The following CADM2 variants were observed in gnomAD, a reference collection of about 807,000 sequenced individuals.
CADM2 encodes the protein cell adhesion molecule 2, also known as immunoglobulin superfamily member 4D.
CADM2 carries 12 observed loss-of-function variants against 49.8 expected under a neutral mutation model. The observed-to-expected ratio is 0.24, with a 90% CI of 0.15 to 0.39. The LOEUF is 0.39. CADM2 is among the 10% of genes least tolerant of loss of function. The pLI is 1.00. For synonymous variants in CADM2, 214 were observed against 175.4 expected (o/e 1.22, Z -1.74); for missense variants, 378 against 492.3 (o/e 0.77, Z 2.20).
intron 5 of CADM2, among the ~76,000 whole-genome samples, chr3:85,893,592 A>G (rs1415309728): frequency 1.3e-5 from 2 of 152,224 alleles, no homozygotes; most frequent in Non-Finnish European, 2.9e-5. Flanking sequence ...TCTGCAATCT[A>G]CTCACCTGAC....
At chr3:85,077,603 C>A (rs2036996252) in intron 1 of CADM2, among the ~76,000 whole-genome samples, 1 of 151,892 alleles carries the variant, frequency 6.6e-6, no homozygotes, top group Admixed American at 6.6e-5. Context: ...GTTTTTATTT[C>A]TTTTGAAATG....
intron 8 of CADM2, chr3:86,014,024 A>C: frequency 1.5e-6 from 2 of 1,376,006 alleles, no homozygotes; most frequent in Non-Finnish European, 2.0e-6. Context: ...CTTGATCACA[A>C]CTGCTTTTAG....
chr3:85,936,019 T>C (rs1721152643), intron 7 of CADM2, among the ~76,000 whole-genome samples, 162 bp downstream of exon 7: 1 of 151,924 alleles, frequency 6.6e-6, no homozygotes, highest in Non-Finnish European at 1.5e-5. Context: ...TTAAGGTCTA[T>C]GGAAGATTGG....
At chr3:85,017,960 T>C (rs1221743512) in intron 1 of CADM2, among the ~76,000 whole-genome samples, 2 of 152,222 alleles carry the variant, frequency 1.3e-5, no homozygotes, top group Non-Finnish European at 2.9e-5. Flanking sequence ...GCTTAATCTC[T>C]GGTCAATGAA....
chr3:85,616,055 G>T (rs2063792994), intron 1 of CADM2, among the ~76,000 whole-genome samples: 1 of 151,910 alleles, frequency 6.6e-6, no homozygotes, highest in Non-Finnish European at 1.5e-5. Flanking sequence ...AGAGTTGACT[G>T]TGTAAAATTA....
intron 1 of CADM2, among the ~76,000 whole-genome samples, chr3:85,314,781 G>T (rs1005163797): frequency 7.9e-5 from 12 of 152,280 alleles, no homozygotes; most frequent in Middle Eastern, 3.4e-3. Flanking sequence ...GAGGGAGATT[G>T]TATAGTCAAA....
intron 1 of CADM2, among the ~76,000 whole-genome samples, chr3:85,515,446 T>A (rs1199441716): frequency 6.8e-6 from 1 of 147,972 alleles, no homozygotes; most frequent in African/African-American, 2.5e-5. Flanking sequence ...TATTATTATA[T>A]GGAGTCTGGC....
chr3:85,711,445 A>T (rs774532140), intron 1 of CADM2, among the ~76,000 whole-genome samples: 36 of 152,322 alleles, frequency 2.4e-4, no homozygotes, highest in Non-Finnish European at 1.5e-4. Context: ...AAAAAATAAA[A>T]CATTAAGTTT....
intron 1 of CADM2, among the ~76,000 whole-genome samples, chr3:85,019,070 CA>C (rs1418024379): frequency 5.9e-5 from 9 of 152,138 alleles, no homozygotes; most frequent in Non-Finnish European, 1.2e-4. Flanking sequence ...AACTTAGATA[CA>C]AAGTGCTAGA....
At chr3:85,863,727 GA>G (rs1272467681) in intron 3 of CADM2, among the ~76,000 whole-genome samples, 2 of 152,164 alleles carry the variant, frequency 1.3e-5, no homozygotes, top group Non-Finnish European at 2.9e-5. Flanking sequence ...GATTGAAACA[GA>G]AAGTGATCTT....
intron 1 of CADM2, among the ~76,000 whole-genome samples, chr3:85,278,094 T>G (rs2106874973): frequency 6.6e-6 from 1 of 151,368 alleles, no homozygotes; most frequent in South Asian, 2.1e-4. Context: ...TTCACTAATT[T>G]TATTGCTTTT....
intron 8 of CADM2, chr3:85,992,115 A>G (rs1728845989): frequency 6.6e-6 from 1 of 151,880 alleles, no homozygotes; most frequent in African/African-American, 2.4e-5. Flanking sequence ...TAGCTTTTAA[A>G]ATACTAAACA....
intron 1 of CADM2, among the ~76,000 whole-genome samples, chr3:85,437,855 A>C (rs1228845610): frequency 3.3e-5 from 5 of 152,002 alleles, no homozygotes; most frequent in African/African-American, 1.2e-4. Context: ...CTATGTTGTT[A>C]TAAGTCACAT....
chr3:85,008,545 A>G (rs1050535742), intron 1 of CADM2, among the ~76,000 whole-genome samples: 1 of 152,056 alleles, frequency 6.6e-6, no homozygotes, highest in African/African-American at 2.4e-5. Context: ...TCTACTTTTT[A>G]TTTTAAAAGT....
At chr3:85,483,908 G>A (rs550397143) in intron 1 of CADM2, among the ~76,000 whole-genome samples, 2 of 151,522 alleles carry the variant, frequency 1.3e-5, no homozygotes, top group East Asian at 1.9e-4. Context: ...AAACTCGAAG[G>A]CCTGTAATTT....
At chr3:85,498,178 T>G (rs1005282046) in intron 1 of CADM2, among the ~76,000 whole-genome samples, 40 of 151,838 alleles carry the variant, frequency 2.6e-4, no homozygotes, top group African/African-American at 8.9e-4. Flanking sequence ...CAAGTTTTTT[T>G]TTTTTTTTTT....
chr3:85,931,342 G>A (rs375875875), intron 6 of CADM2, among the ~76,000 whole-genome samples: 2 of 152,218 alleles, frequency 1.3e-5, no homozygotes, highest in African/African-American at 2.4e-5. Flanking sequence ...ACTAGACTGA[G>A]GCTGCAGGAT....
intron 1 of CADM2, among the ~76,000 whole-genome samples, chr3:85,713,745 C>T (rs373812520): frequency 5.9e-5 from 9 of 152,250 alleles, no homozygotes; most frequent in South Asian, 2.1e-4. Context: ...TTCTAAATGA[C>T]CACATTTTCA....
chr3:85,363,602 T>C (rs1316522607), intron 1 of CADM2, among the ~76,000 whole-genome samples: 1 of 152,194 alleles, frequency 6.6e-6, no homozygotes, highest in African/African-American at 2.4e-5. Flanking sequence ...ATTTGATATC[T>C]TTATTTTATT....
Sources: allele counts gnomAD v4.1 joint callset (sites outside exome capture counted in the v4.1 genomes callset), GRCh38; gene constraint gnomAD v4.1.1; transcripts MANE v1.5; gene names NCBI Gene and HGNC (gene_info 2026-07-23, HGNC 2026-07-21).